Variants in STK24 observed in about 807,000 individuals in gnomAD.
STK24 encodes the protein serine/threonine-protein kinase 24.
In STK24, 21 loss-of-function variants were observed where a neutral mutation model predicts 55.6. The ratio of observed to expected loss-of-function variants is 0.38; its 90% CI spans 0.27 to 0.54. The LOEUF is 0.54. Ranked by LOEUF, STK24 falls within the 20% of genes least tolerant of loss-of-function variation. The pLI is 0.79. For missense variants in STK24, 383 were observed against 538.4 expected, an observed-to-expected ratio of 0.71 and a Z score of 2.86; for synonymous variants, 200 against 215.2, an observed-to-expected ratio of 0.93 and a Z score of 0.62.
At chr13:98,491,101 C>T (rs1895012976) in intron 2 of STK24, among the ~76,000 whole-genome samples, 1 of 152,216 alleles carries the variant, frequency 6.6e-6, no homozygotes, top group African/African-American at 2.4e-5. Context: ...TTCTGGCGTA[C>T]ATCATGTCAC....
chr13:98,567,371 C>T (rs941962871), intron 1 of STK24, among the ~76,000 whole-genome samples: 3 of 152,206 alleles, frequency 2.0e-5, no homozygotes, highest in African/African-American at 7.2e-5. Flanking sequence ...CTGATGCCAC[C>T]TCCGCCCTGC....
At chr13:98,488,971 C>T (rs1894913535) in intron 2 of STK24, among the ~76,000 whole-genome samples, 3 of 152,242 alleles carry the variant, frequency 2.0e-5, no homozygotes, top group Non-Finnish European at 4.4e-5. Context: ...ATAAACAATG[C>T]AGCGGGCTTT....
At chr13:98,549,241 T>C (rs1469115598) in intron 1 of STK24, among the ~76,000 whole-genome samples, 2 of 152,174 alleles carry the variant, frequency 1.3e-5, no homozygotes, top group Non-Finnish European at 2.9e-5. Flanking sequence ...ATAAACAACA[T>C]CGATTCATTG....
At chr13:98,508,275 A>C (rs1361268153) in intron 2 of STK24, among the ~76,000 whole-genome samples, 1 of 152,238 alleles carries the variant, frequency 6.6e-6, no homozygotes, top group East Asian at 1.9e-4. Context: ...TAACTACATT[A>C]AAATCAAGGA....
At chr13:98,537,553 G>A (rs1896769379) in intron 1 of STK24, among the ~76,000 whole-genome samples, 1 of 152,156 alleles carries the variant, frequency 6.6e-6, no homozygotes, top group Non-Finnish European at 1.5e-5. Context: ...CAGGGTGCCG[G>A]CCTCACTACC....
chr13:98,472,005 T>G (rs1435146056), intron 5 of STK24, among the ~76,000 whole-genome samples: 1 of 152,128 alleles, frequency 6.6e-6, no homozygotes, highest in South Asian at 2.1e-4. Flanking sequence ...GAGTGAGCCA[T>G]GAGACCAGAG....
chr13:98,475,944 T>A (rs1314491932), intron 3 of STK24, among the ~76,000 whole-genome samples: 4 of 152,146 alleles, frequency 2.6e-5, no homozygotes, highest in African/African-American at 9.7e-5. Context: ...ATTTTTTAAA[T>A]CTGCAGTTAA....
chr13:98,536,152 G>GA (rs201230289), intron 1 of STK24, among the ~76,000 whole-genome samples: 3,004 of 152,190 alleles, frequency 0.02, 92 homozygotes, highest in African/African-American at 0.067. Context: ...CCACCGGGGG[G>GA]AAAAATGTCA....
chr13:98,543,298 G>A (rs1465269996), intron 1 of STK24, among the ~76,000 whole-genome samples: 1 of 152,146 alleles, frequency 6.6e-6, no homozygotes, highest in East Asian at 1.9e-4. Context: ...TTACTTAACT[G>A]CGGCTCTCTC....
chr13:98,449,963 C>G lies in STK24; in HGVS notation c.*3210G>C, dbSNP rs1262495466. 1 of 152,358 alleles carries G rather than the reference C, an allele frequency of 6.6e-6. No homozygotes were observed. 9.4% of individuals were successfully genotyped at this position (152,358 alleles called of 1,614,324 possible). ...CTCCGGGCCACACAGCAGCATCAGG[C>G]TCCCTCCAGAAGTCACCACTCACTC... On this transcript the variant is annotated 3_prime_UTR_variant, in exon 11 of 11. Transcript: ENST00000539966.
At chr13:98,539,617 C>G (rs1896831066) in intron 1 of STK24, among the ~76,000 whole-genome samples, 1 of 152,082 alleles carries the variant, frequency 6.6e-6, no homozygotes, top group Admixed American at 6.5e-5. Context: ...ATGACGGCTG[C>G]ATCATTATTT....
At chr13:98,512,571 G>GT (rs11434391) in intron 2 of STK24, among the ~76,000 whole-genome samples, 2,049 of 141,504 alleles carry the variant, frequency 0.014, 23 homozygotes, top group African/African-American at 0.038. Context: ...CACAAAGTAA[G>GT]TTTTTTTTTT....
At chr13:98,535,400 C>T (rs34674337) in intron 1 of STK24, among the ~76,000 whole-genome samples, 266 of 1,428 alleles carry the variant, frequency 0.19, no homozygotes, top group Middle Eastern at 0.32. Context: ...TGTGTGTATA[C>T]ACACACACAC....
At chr13:98,568,101 G>A (rs11840355) in intron 1 of STK24, among the ~76,000 whole-genome samples, 2,164 of 151,980 alleles carry the variant, frequency 0.014, 57 homozygotes, top group African/African-American at 0.048. Context: ...CTGGGTTCAA[G>A]CAATTCTGCC....
At chr13:98,489,506 G>T (rs545306831) in intron 2 of STK24, among the ~76,000 whole-genome samples, 16 of 152,242 alleles carry the variant, frequency 1.1e-4, no homozygotes, top group African/African-American at 3.9e-4. Context: ...CGCAGAGTGA[G>T]TAACACCCTG....
intron 1 of STK24, among the ~76,000 whole-genome samples, chr13:98,523,311 G>A (rs1458282461): frequency 1.3e-5 from 2 of 152,176 alleles, no homozygotes; most frequent in Non-Finnish European, 2.9e-5. Flanking sequence ...TTAAAAACAG[G>A]CGACAAGAAT....
chr13:98,465,539 G>A (rs1483179855), intron 6 of STK24, among the ~76,000 whole-genome samples: 1 of 152,244 alleles, frequency 6.6e-6, no homozygotes, highest in Non-Finnish European at 1.5e-5. Flanking sequence ...CGATGCTGAT[G>A]TAGTCATCAA....
At chr13:98,571,329 G>T (rs758834383) in intron 1 of STK24, among the ~76,000 whole-genome samples, 3 of 152,130 alleles carry the variant, frequency 2.0e-5, no homozygotes, top group Non-Finnish European at 4.4e-5. Flanking sequence ...GTAGCTCCAA[G>T]AAGAGCATCA....
intron 8 of STK24, among the ~76,000 whole-genome samples, chr13:98,461,391 T>C (rs1317520550): frequency 6.6e-6 from 1 of 152,208 alleles, no homozygotes; most frequent in Non-Finnish European, 1.5e-5. Flanking sequence ...ACTTATAAGG[T>C]CCTTAAAACT....
Sources: allele counts gnomAD v4.1 joint callset (sites outside exome capture counted in the v4.1 genomes callset), GRCh38; gene constraint gnomAD v4.1.1; transcripts MANE v1.5; gene names NCBI Gene and HGNC (gene_info 2026-07-23, HGNC 2026-07-21).